COQ8A: variants seen among roughly 807,000 people sequenced by gnomAD.
The protein encoded by COQ8A is coenzyme Q8A.
A neutral mutation model predicts 65.0 loss-of-function variants in COQ8A; 51 were observed. The observed-to-expected ratio is 0.78, with a 90% CI of 0.63 to 0.99. COQ8A has a LOEUF of 0.99. COQ8A is among the 50% of genes least tolerant of loss of function. The pLI, the probability that COQ8A is intolerant of heterozygous loss-of-function variation, is 0.00. For synonymous variants in COQ8A, 371 were observed against 353.2 expected (o/e 1.05, Z -0.57); for missense variants, 940 against 875.0 (o/e 1.07, Z -0.94).
chr1:226,975,378 C>T (rs551591239), intron 4 of COQ8A, among the ~76,000 whole-genome samples: 1 of 152,228 alleles, frequency 6.6e-6, no homozygotes, highest in South Asian at 2.1e-4. Context: ...CCGCCAGCCG[C>T]ACGGGGCCTT....
intron 4 of COQ8A, among the ~76,000 whole-genome samples, chr1:226,971,938 T>C (rs1459580681): frequency 1.3e-5 from 2 of 152,210 alleles, no homozygotes; most frequent in African/African-American, 4.8e-5. Context: ...ATCTGTACTA[T>C]TCTCTCCTCT....
intron 13 of COQ8A, 108 bp downstream of exon 13, chr1:226,985,049 C>T: frequency 2.1e-6 from 3 of 1,421,012 alleles, no homozygotes; most frequent in Non-Finnish European, 2.9e-6. Flanking sequence ...CTTGTGTCCC[C>T]ATCTGCGCTG....
At chr1:226,962,787 G>A (rs1658331384) in intron 2 of COQ8A, among the ~76,000 whole-genome samples, 1 of 152,210 alleles carries the variant, frequency 6.6e-6, no homozygotes, top group Non-Finnish European at 1.5e-5. Flanking sequence ...TCACACCTGT[G>A]CTCTCCCCCG....
At position 226,984,911 on chromosome 1, in the gene COQ8A, T is replaced by C. The variant is rs369418069; in HGVS notation, c.1542T>C (p.Tyr514=). Reference sequence around the variant, plus strand: ...TGGATTTTGGGGCAACGCGGGAATATGACAGATCCTTCACCGACCTCTACA... The same window carrying C: ...TGGATTTTGGGGCAACGCGGGAATACGACAGATCCTTCACCGACCTCTACA... ...ALLDFGATRE[Y]DRSFTDLYIQ... Residue 514 remains tyrosine, a synonymous_variant, in exon 13 of 15, where the codon TAT becomes TAC. Transcript: ENST00000366777. 8.7e-6 allele frequency: 14 copies of C among 1,614,086 alleles called. No individual in the cohort carries two copies. The highest frequency in any genetic ancestry group is 1.3e-5 in the African/African-American group (1 of 74,926).
rs141049203 is a variant in COQ8A, at chr1:226,968,563, C to CT, written c.655+2829dup. ...TGTTCTCCTAGAAAATACCTCTAGCCTTTCTTCCCTTCATGGAGGAAAGGT... is the reference window on the plus strand; with the variant it reads ...TGTTCTCCTAGAAAATACCTCTAGCCTTTTCTTCCCTTCATGGAGGAAAGGT... On this transcript the variant is annotated intron_variant, in intron 4 of 14. Transcript: ENST00000366777. Among the ~76,000 whole-genome samples the CT allele has an allele frequency of 2.5e-3, 377 of 152,250 alleles. 9 individuals carry two copies. The East Asian group carries it at 0.046, about 19-fold the overall frequency.
intron 8 of COQ8A, 177 bp from the exon 9 acceptor site, chr1:226,983,375 G>A (rs886989353): frequency 1.6e-5 from 11 of 702,826 alleles, no homozygotes; most frequent in Middle Eastern, 3.7e-4. Flanking sequence ...GGTGGACAAC[G>A]AGGCTGTGAT....
At chr1:226,980,351 G>C (rs1359364393) in intron 5 of COQ8A, among the ~76,000 whole-genome samples, 1 of 152,252 alleles carries the variant, frequency 6.6e-6, no homozygotes, top group African/African-American at 2.4e-5. Flanking sequence ...GATTGGGCCA[G>C]GCACCGTTCC....
rs755181824 is a variant in COQ8A, at chr1:226,965,315, C to G, written c.493C>G (p.Gln165Glu). 2 of 1,613,692 alleles carry G rather than the reference C, an allele frequency of 1.2e-6. No individual in the cohort carries two copies. The highest frequency in any genetic ancestry group is 1.7e-5 in the Admixed American group (1 of 59,980). ...AMGFQRRFFH[Q>E]DQSPVGGLTA... ...GGGCTTTCAGCGAAGGTTCTTCCAC[C>G]AGGACCAATCCCCTGTTGGGGGCCT... The change falls in exon 3 of 15, where the codon CAG becomes GAG. Residue 165 changes from glutamine to glutamate, a missense_variant. By Grantham distance (29) the Gln-to-Glu change is conservative. Coordinates refer to ENST00000366777, the MANE Select transcript of COQ8A (RefSeq NM_020247.5).
intron 1 of COQ8A, 29 bp from the exon 2 acceptor site, chr1:226,961,348 C>A (rs772787657): frequency 6.2e-7 from 1 of 1,612,582 alleles, no homozygotes; most frequent in Non-Finnish European, 8.5e-7. Context: ...GGCCTGGGGC[C>A]TCCCCTGACT....
rs200930703 is a variant in COQ8A at position 226,985,272 on chromosome 1, G to A, written c.1591G>A (p.Asp531Asn). ...TCCCCAGATCATCAGGGCTGCTGCC[G>A]ACAGGGACAGGGAGACTGTGCGGGC... ...LYIQIIRAAA[D>N]RDRETVRAKS... Residue 531 changes from aspartate to asparagine, a missense_variant, in exon 14 of 15, where the codon GAC becomes AAC. By Grantham distance (23) the Asp-to-Asn change is conservative (BLOSUM62 1). Coordinates refer to ENST00000366777, the MANE Select transcript of COQ8A (RefSeq NM_020247.5). The A allele has an allele frequency of 1.8e-5, 29 of 1,613,712 alleles. No homozygotes were observed. Among genetic ancestry groups the A allele is most frequent in the East Asian group, 1.3e-4 (6 of 44,876 alleles).
chr1:226,986,863 G>A lies in COQ8A; in HGVS notation c.*126G>A. 2.5e-6 allele frequency: 3 copies of A among 1,201,082 alleles called. No individual in the cohort carries two copies. The highest frequency in any genetic ancestry group is 3.5e-6 in the Non-Finnish European group (3 of 850,688). 74.4% of individuals were successfully genotyped at this position (1,201,082 alleles called of 1,614,324 possible). On this transcript the variant is annotated 3_prime_UTR_variant, in exon 15 of 15. Transcript: ENST00000366777. ...GCCCAATAAGGGGGGTGGCTGCCTG[G>A]AGCCCCGTAGCCAGCGCTTTCCACG...
intron 4 of COQ8A, among the ~76,000 whole-genome samples, chr1:226,975,363 C>T (rs562977439): frequency 1.3e-4 from 20 of 152,286 alleles, no homozygotes; most frequent in African/African-American, 4.6e-4. Context: ...CTGCCCAGTA[C>T]GGAGCCGCCA....
At chr1:226,960,327 TATC>T (rs1558187203) in intron 1 of COQ8A, among the ~76,000 whole-genome samples, 8 of 20,852 alleles carry the variant, frequency 3.8e-4, no homozygotes, top group Admixed American at 6.6e-4. Context: ...TTGGTGGTGG[TATC>T]AGTGGTACTT....
intron 5 of COQ8A, among the ~76,000 whole-genome samples, chr1:226,978,822 G>GCACCCATCTCTCACC (rs372745238): frequency 1.2e-5 from 1 of 81,272 alleles, no homozygotes; most frequent in East Asian, 3.6e-4. Flanking sequence ...CACCCTCCAT[G>GCACCCATCTCTCACC]CACACACCTC....
chr1:226,950,994 A>G (rs1657339469), intron 1 of COQ8A, among the ~76,000 whole-genome samples: 1 of 152,332 alleles, frequency 6.6e-6, no homozygotes, highest in Admixed American at 6.5e-5. Context: ...GGCTGTGGGT[A>G]CAGACCTGTG....
chr1:226,952,248 T>A lies in COQ8A; in HGVS notation c.-9-9129T>A, dbSNP rs565842456. Among the ~76,000 whole-genome samples, 5 of 152,290 alleles carry A rather than the reference T, an allele frequency of 3.3e-5. No homozygotes were observed. The South Asian group carries it at 1.0e-3, about 32-fold the overall frequency. ...GCAGTTGTCTTCTGATGAAGGACAGTGGCTAAACAAGGAGAGGCAATGTTT... is the reference window on the plus strand; with the variant it reads ...GCAGTTGTCTTCTGATGAAGGACAGAGGCTAAACAAGGAGAGGCAATGTTT... On this transcript the variant is annotated intron_variant, in intron 1 of 14. Transcript: ENST00000366777.
chr1:226,964,903 G>T, intron 2 of COQ8A, 97 bp from the exon 3 acceptor site: 1 of 1,406,174 alleles, frequency 7.1e-7, no homozygotes, highest in South Asian at 1.2e-5. Context: ...GAGGGGGCGG[G>T]ATGCTGGTGG....
chr1:226,945,856 C>T (rs374816324), intron 1 of COQ8A, among the ~76,000 whole-genome samples: 4 of 152,340 alleles, frequency 2.6e-5, no homozygotes, highest in Non-Finnish European at 5.9e-5. Flanking sequence ...GTCTGTGTGC[C>T]CACCATGAGC....
At chr1:226,969,132 A>G (rs1658739048) in intron 4 of COQ8A, among the ~76,000 whole-genome samples, 1 of 152,108 alleles carries the variant, frequency 6.6e-6, no homozygotes, top group African/African-American at 2.4e-5. Context: ...AGTCTGGTTT[A>G]TTATTCATAT....
Sources: gnomAD v4.1 joint callset for allele counts (sites outside exome capture counted in the v4.1 genomes callset) on GRCh38, gnomAD v4.1.1 for gene constraint, MANE v1.5 for transcripts, NCBI Gene and HGNC (gene_info 2026-07-23, HGNC 2026-07-21) for gene names.